Variants in DENND1B observed in about 807,000 individuals in gnomAD.
The protein encoded by DENND1B is DENN domain containing 1B, also known as DENN domain-containing protein 1B.
Under a neutral mutation model 90.1 loss-of-function variants are expected in DENND1B, and 59 were observed. The ratio of observed to expected loss-of-function variants is 0.65; its 90% CI spans 0.53 to 0.81. The LOEUF (loss-of-function observed/expected upper bound fraction) is 0.81. Among genes scored for constraint, DENND1B ranks in the 40% least tolerant of loss-of-function variants. The probability of loss-of-function intolerance (pLI) is 0.00; values close to 1 mark genes in which losing one functional copy is unlikely to be tolerated. For synonymous variants in DENND1B, 337 were observed against 324.6 expected, an observed-to-expected ratio of 1.04 and a Z score of -0.41; for missense variants, 862 against 912.6, an observed-to-expected ratio of 0.94 and a Z score of 0.71.
At chr1:197,537,789 A>T (rs1399298349) in intron 20 of DENND1B, among the ~76,000 whole-genome samples, 1 of 152,022 alleles carries the variant, frequency 6.6e-6, no homozygotes, top group African/African-American at 2.4e-5. Flanking sequence ...AGGAAAGAAG[A>T]CTTTAAAATT....
intron 7 of DENND1B, among the ~76,000 whole-genome samples, chr1:197,650,724 AT>A (rs1210734327): frequency 2.0e-5 from 3 of 152,202 alleles, no homozygotes. Context: ...AGCGACCTGG[AT>A]GAGACTGAAG....
At chr1:197,642,969 C>T (rs933107421) in intron 9 of DENND1B, 148 bp from the exon 10 acceptor site, 6 of 549,078 alleles carry the variant, frequency 1.1e-5, no homozygotes, top group African/African-American at 9.5e-5. Flanking sequence ...TAATACTAGT[C>T]GGCTGCCACA....
chr1:197,763,798 C>T (rs995044300), intron 2 of DENND1B, among the ~76,000 whole-genome samples: 1 of 152,192 alleles, frequency 6.6e-6, no homozygotes, highest in African/African-American at 2.4e-5. Context: ...GTGCCTTCTT[C>T]GTACTTCAGT....
intron 2 of DENND1B, among the ~76,000 whole-genome samples, chr1:197,750,837 CAG>C (rs1653407974): frequency 6.6e-6 from 1 of 151,964 alleles, no homozygotes; most frequent in East Asian, 1.9e-4. Flanking sequence ...GAGACAGAGA[CAG>C]AGAGACAGAG....
rs1040172106 is a variant in DENND1B, at chr1:197,505,656, T to C, written c.*4804A>G. 6.6e-6 allele frequency: 1 copy of C among 151,500 alleles called. No homozygotes were observed. The allele number at this position is 151,500 out of a possible 1,614,324, so 9.4% of individuals were successfully genotyped here. A position where few individuals can be genotyped will look rare whatever the true frequency, so the allele number is the denominator to read the frequency against. On this transcript the variant is annotated 3_prime_UTR_variant, in exon 23 of 23. Coordinates refer to ENST00000620048, the MANE Select transcript of DENND1B (RefSeq NM_001195215.2). ...AGTGCTTTTCTGCCTCATTCAAGTATAATAAAGTAGAAATCTATAGAAGCT... is the reference window on the plus strand; with the variant it reads ...AGTGCTTTTCTGCCTCATTCAAGTACAATAAAGTAGAAATCTATAGAAGCT...
chr1:197,692,211 C>T (rs929998302), intron 3 of DENND1B, among the ~76,000 whole-genome samples: 12 of 151,776 alleles, frequency 7.9e-5, no homozygotes, highest in Non-Finnish European at 1.6e-4. Flanking sequence ...AACAGTTCTA[C>T]TAAACAATTA....
chr1:197,736,466 A>G (rs1662702498), intron 2 of DENND1B, among the ~76,000 whole-genome samples: 1 of 152,076 alleles, frequency 6.6e-6, no homozygotes, highest in African/African-American at 2.4e-5. Flanking sequence ...CAAATAGCTA[A>G]GACTACAGGC....
At chr1:197,735,878 TATTA>T (rs1662628520) in intron 2 of DENND1B, 1 of 1,551,942 alleles carries the variant, frequency 6.4e-7, no homozygotes, top group African/African-American at 1.4e-5. Flanking sequence ...TGCAGGGGGC[TATTA>T]CAGGTGCCTC....
At chr1:197,707,416 A>G (rs1299837423) in intron 3 of DENND1B, among the ~76,000 whole-genome samples, 1 of 151,950 alleles carries the variant, frequency 6.6e-6, no homozygotes, top group Non-Finnish European at 1.5e-5. Flanking sequence ...CTAGAAGAGC[A>G]GATTTTGAAT....
Position 197,642,709 on chromosome 1 carries a change from AC to A in DENND1B, c.672+1del. 1 of 1,605,442 alleles carries A rather than the reference AC, an allele frequency of 6.2e-7. No individual in the cohort carries two copies. The highest frequency in any genetic ancestry group is 2.2e-5 in the East Asian group (1 of 44,768). ...TACTTAAAAGAAGTGTGAAGTACTT[AC>A]AGTGCTTAATTTGCTCGAGATAATC... On this transcript the variant is annotated splice_donor_variant, in intron 10 of 22. Transcript: ENST00000620048. LOFTEE classifies it high-confidence loss of function.
chr1:197,669,188 A>AT (rs2125980140), intron 5 of DENND1B, among the ~76,000 whole-genome samples: 1 of 152,172 alleles, frequency 6.6e-6, no homozygotes, highest in African/African-American at 2.4e-5. Context: ...CCATACAAGC[A>AT]TTTTCATCAT....
intron 15 of DENND1B, among the ~76,000 whole-genome samples, chr1:197,575,975 A>C (rs1673645236): frequency 6.6e-6 from 1 of 152,202 alleles, no homozygotes. Flanking sequence ...AGAAATACCT[A>C]ATGTAAATAA....
At chr1:197,560,836 C>T (rs755136551) in intron 15 of DENND1B, among the ~76,000 whole-genome samples, 5 of 151,886 alleles carry the variant, frequency 3.3e-5, no homozygotes, top group Non-Finnish European at 7.4e-5. Flanking sequence ...AAATGTTTAA[C>T]GACCTCTCCC....
intron 3 of DENND1B, among the ~76,000 whole-genome samples, chr1:197,679,272 C>T (rs1656406768): frequency 6.7e-6 from 1 of 149,872 alleles, no homozygotes; most frequent in Admixed American, 6.6e-5. Flanking sequence ...AGATTGGAAG[C>T]AGTGCAGAGT....
intron 15 of DENND1B, among the ~76,000 whole-genome samples, chr1:197,580,574 T>A (rs1020103862): frequency 6.6e-6 from 1 of 152,144 alleles, no homozygotes; most frequent in African/African-American, 2.4e-5. Context: ...TAGGGTCCTT[T>A]AAATTTCGTT....
chr1:197,689,454 A>ATGTCAATATCAAAT (rs1417106284), intron 3 of DENND1B: 1 of 152,222 alleles, frequency 6.6e-6, no homozygotes, highest in African/African-American at 2.4e-5. Flanking sequence ...GAGACAAATC[A>ATGTCAATATCAAAT]TGTCAATATC....
chr1:197,754,114 A>T (rs1325318668), intron 2 of DENND1B, among the ~76,000 whole-genome samples: 1 of 152,052 alleles, frequency 6.6e-6, no homozygotes, highest in Non-Finnish European at 1.5e-5. Context: ...TTCAATATTG[A>T]CTATTAAAAT....
chr1:197,734,631 T>G (rs1662466577), intron 2 of DENND1B: 1 of 984,708 alleles, frequency 1.0e-6, no homozygotes, highest in African/African-American at 1.7e-5. Context: ...AAAAAAACTT[T>G]GCAAAATAAT....
intron 2 of DENND1B, among the ~76,000 whole-genome samples, chr1:197,762,966 T>A (rs955110219): frequency 6.6e-6 from 1 of 152,190 alleles, no homozygotes; most frequent in Non-Finnish European, 1.5e-5. Flanking sequence ...GCTGAACTAC[T>A]ACAGGACCCA....
Sources: allele counts gnomAD v4.1 joint callset (sites outside exome capture counted in the v4.1 genomes callset), GRCh38; gene constraint gnomAD v4.1.1; transcripts MANE v1.5; gene names NCBI Gene and HGNC (gene_info 2026-07-23, HGNC 2026-07-21).